SLIT2: variants seen among roughly 807,000 people sequenced by gnomAD.
SLIT2 encodes the protein slit homolog 2 protein.
In SLIT2, 41 loss-of-function variants were observed where a neutral mutation model predicts 185.7. That is an observed-to-expected ratio of 0.22 (90% CI 0.17 to 0.29). The LOEUF is 0.29. Ranked by LOEUF, SLIT2 falls within the 10% of genes least tolerant of loss-of-function variation. The pLI, the probability that SLIT2 is intolerant of heterozygous loss-of-function variation, is 1.00. For synonymous variants in SLIT2, 693 were observed against 680.2 expected, an observed-to-expected ratio of 1.02 and a Z score of -0.29; for missense variants, 1,571 against 1,909.0, an observed-to-expected ratio of 0.82 and a Z score of 3.30.
At chr4:20,261,940 A>G (rs2109016568) in intron 3 of SLIT2, among the ~76,000 whole-genome samples, 1 of 151,854 alleles carries the variant, frequency 6.6e-6, no homozygotes, top group Non-Finnish European at 1.5e-5. Flanking sequence ...AACTTCTCCT[A>G]GTGTTAGTAT....
At chr4:20,617,407 C>A in intron 35 of SLIT2, 32 bp from the exon 36 acceptor site, 2 of 1,580,284 alleles carry the variant, frequency 1.3e-6, no homozygotes, top group Non-Finnish European at 1.7e-6. Context: ...CTTCTGAATG[C>A]ATTCCCACTC....
intron 4 of SLIT2, among the ~76,000 whole-genome samples, chr4:20,387,680 C>A (rs1445249938): frequency 6.6e-6 from 1 of 152,188 alleles, no homozygotes; most frequent in South Asian, 2.1e-4. Flanking sequence ...CAGATGGAGG[C>A]CCACGGGCAA....
In SLIT2 at chr4:20,510,481, T is replaced by G; in HGVS notation, c.915-14T>G. ...CACATTTCCATTTAAAAGTTGAATT[T>G]TTTTTCATTGCAGACGTTTGGAACA... On this transcript the variant is annotated splice_polypyrimidine_tract_variant and intron_variant, in intron 9 of 36. Transcript: ENST00000504154. The G allele has an allele frequency of 6.3e-7, 1 of 1,591,082 alleles. No individual in the cohort carries two copies.
intron 4 of SLIT2, among the ~76,000 whole-genome samples, chr4:20,271,691 A>G (rs1713630548): frequency 6.6e-6 from 1 of 151,852 alleles, no homozygotes; most frequent in Admixed American, 6.6e-5. Context: ...TTTCCCAGGT[A>G]TATCACTAAT....
intron 4 of SLIT2, among the ~76,000 whole-genome samples, chr4:20,345,031 T>C (rs1348463437): frequency 1.3e-5 from 2 of 152,204 alleles, no homozygotes; most frequent in Non-Finnish European, 2.9e-5. Flanking sequence ...ATACCCACCA[T>C]TAATTATTGA....
chr4:20,467,312 C>T (rs1229362546), intron 4 of SLIT2, among the ~76,000 whole-genome samples: 1 of 152,066 alleles, frequency 6.6e-6, no homozygotes, highest in African/African-American at 2.4e-5. Flanking sequence ...AGTTTTTACC[C>T]ACTCTACTCT....
chr4:20,328,992 G>A (rs1211319393), intron 4 of SLIT2, among the ~76,000 whole-genome samples: 1 of 152,020 alleles, frequency 6.6e-6, no homozygotes, highest in African/African-American at 2.4e-5. Context: ...AATTCATGGT[G>A]ATGTTAATCA....
intron 26 of SLIT2, among the ~76,000 whole-genome samples, chr4:20,563,491 T>G (rs1724858212): frequency 6.6e-6 from 1 of 151,830 alleles, no homozygotes; most frequent in Non-Finnish European, 1.5e-5. Flanking sequence ...TTCTGGTGCT[T>G]GTCCACACCT....
chr4:20,554,645 A>G (rs1269020049), intron 26 of SLIT2, among the ~76,000 whole-genome samples: 1 of 152,192 alleles, frequency 6.6e-6, no homozygotes, highest in Non-Finnish European at 1.5e-5. Flanking sequence ...TACTAAAGTT[A>G]TTGTGTAAAT....
chr4:20,513,991 C>T (rs548767901), intron 11 of SLIT2, among the ~76,000 whole-genome samples: 3 of 152,218 alleles, frequency 2.0e-5, no homozygotes, highest in Non-Finnish European at 2.9e-5. Context: ...AACTACAGGT[C>T]TGAGACACTA....
rs1254701676 is a variant in SLIT2 at position 20,254,199 on chromosome 4, G to A, written c.179+205G>A. On this transcript the variant is annotated intron_variant, in intron 1 of 36. Coordinates refer to ENST00000504154, the MANE Select transcript of SLIT2 (RefSeq NM_004787.4). This position sits in a 1 kb window ranked among gnomAD's most constrained non-coding sequence, Gnocchi z 5.1. ...AGGAGGGGCGGGTCCGCTGGCAGCT[G>A]CGCTAGTTCTCCCTCCCCTGCTCTC... Among the ~76,000 whole-genome samples the A allele has an allele frequency of 6.6e-6, 1 of 152,122 alleles. No homozygotes were observed. Among genetic ancestry groups the A allele is most frequent in the East Asian group, 1.9e-4 (1 of 5,162 alleles).
chr4:20,589,889 T>C (rs1327305305), intron 30 of SLIT2, 152 bp downstream of exon 30: 15 of 500,598 alleles, frequency 3.0e-5, no homozygotes, highest in Non-Finnish European at 4.7e-5. Context: ...AATGTCGATA[T>C]ACAATATGGA....
intron 4 of SLIT2, among the ~76,000 whole-genome samples, chr4:20,305,678 G>A (rs1420122860): frequency 1.3e-5 from 2 of 151,754 alleles, no homozygotes; most frequent in Non-Finnish European, 2.9e-5. Context: ...TTCGAGACCA[G>A]CCTGACCAAC....
At chr4:20,577,377 A>G (rs1023882111) in intron 29 of SLIT2, among the ~76,000 whole-genome samples, 2 of 152,192 alleles carry the variant, frequency 1.3e-5, no homozygotes, top group Admixed American at 6.5e-5. Flanking sequence ...CATTTATAGC[A>G]TATTTTCTTG....
At chr4:20,448,708 G>A (rs757530129) in intron 4 of SLIT2, among the ~76,000 whole-genome samples, 9 of 151,866 alleles carry the variant, frequency 5.9e-5, no homozygotes, top group Admixed American at 1.3e-4. Context: ...CGTGATCTTC[G>A]CTCACTGCAA....
In SLIT2 at chr4:20,253,642, G is replaced by C. The variant is rs1577324251; in HGVS notation, c.-174G>C. On this transcript the variant is annotated 5_prime_UTR_variant, in exon 1 of 37. Transcript: ENST00000504154. ...GAGGGTGGAGAGGGCGGTGGGAGGC[G>C]TGTGCCTGAGTGGGCTCTACTGCCT... 7.3e-6 allele frequency: 5 copies of C among 688,262 alleles called. No individual in the cohort carries two copies. Among genetic ancestry groups the C allele is most frequent in the Non-Finnish European group, 1.2e-5 (5 of 416,210 alleles). The allele number at this position is 688,262 out of a possible 1,614,324, so 42.6% of individuals were successfully genotyped here.
chr4:20,317,058 G>A (rs978941246), intron 4 of SLIT2, among the ~76,000 whole-genome samples: 3 of 151,092 alleles, frequency 2.0e-5, no homozygotes, highest in African/African-American at 4.9e-5. Context: ...AAAAAGTATC[G>A]TTTGGTTTAC....
intron 18 of SLIT2, among the ~76,000 whole-genome samples, chr4:20,538,177 G>A (rs1176633368): frequency 6.6e-6 from 1 of 152,136 alleles, no homozygotes; most frequent in East Asian, 1.9e-4. Flanking sequence ...AGCCAGGATG[G>A]TCTTGATCTC....
intron 4 of SLIT2, among the ~76,000 whole-genome samples, chr4:20,335,324 G>A (rs187673784): frequency 1.3e-5 from 2 of 152,284 alleles, no homozygotes; most frequent in Non-Finnish European, 2.9e-5. Flanking sequence ...TGCATAGTCA[G>A]TGTCAGTACT....
Sources: gnomAD v4.1 joint callset for allele counts (sites outside exome capture counted in the v4.1 genomes callset) on GRCh38, gnomAD v4.1.1 for gene constraint, Gnocchi (gnomAD v3.1) non-coding constraint, MANE v1.5 for transcripts, NCBI Gene and HGNC (gene_info 2026-07-23, HGNC 2026-07-21) for gene names.